The following RRBP1 variants were observed in gnomAD, a reference collection of about 807,000 sequenced individuals.
RRBP1 encodes ribosome-binding protein 1.
In RRBP1, 94 loss-of-function variants were observed where a neutral mutation model predicts 165.2. That is an observed-to-expected ratio of 0.57 (90% CI 0.48 to 0.68). The LOEUF (loss-of-function observed/expected upper bound fraction) is 0.68. RRBP1 is among the 30% of genes least tolerant of loss of function. The pLI, the probability that RRBP1 is intolerant of heterozygous loss-of-function variation, is 0.00. For synonymous variants in RRBP1, 680 were observed against 714.5 expected, an observed-to-expected ratio of 0.95 and a Z score of 0.77; for missense variants, 1,676 against 1,763.0, an observed-to-expected ratio of 0.95 and a Z score of 0.88.
intron 11 of RRBP1, 76 bp downstream of exon 11, chr20:17,627,272 A>G: frequency 6.6e-7 from 1 of 1,504,294 alleles, no homozygotes; most frequent in Non-Finnish European, 9.1e-7. Context: ...CCCTCCTGAA[A>G]ACCCTGGCCC....
chr20:17,627,479 C>T (rs528454215), intron 10 of RRBP1, 25 bp downstream of exon 10: 44 of 1,605,590 alleles, frequency 2.7e-5, no homozygotes, highest in Middle Eastern at 3.3e-4. Flanking sequence ...CCTTTCCTCC[C>T]CGTGGCCCCA....
rs370990027 is a variant in RRBP1, at chr20:17,613,885, C to T, written c.*297G>A. 105 of 386,326 alleles carry T rather than the reference C, an allele frequency of 2.7e-4. No individual in the cohort carries two copies. The highest frequency in any genetic ancestry group is 1.6e-3 in the African/African-American group (79 of 49,518). 23.9% of individuals were successfully genotyped at this position (386,326 alleles called of 1,614,324 possible). ...ACTGACAGACAGACCCCAGAGCGCC[C>T]GGCCTCCCACACACCCACGGGGCTG... On this transcript the variant is annotated 3_prime_UTR_variant, in exon 25 of 25. Transcript: ENST00000377813.
chr20:17,636,729 C>T lies in RRBP1; in HGVS notation c.2185G>A (p.Glu729Lys), dbSNP rs1329067641. ...GCTTTGGCCTTTTCTGCTGCCATCT[C>T]CTGGGGGGAAAGTAGCAGAGAGAGG... is the stretch of plus-strand genomic sequence containing the variant. ...AKSKLRELNK[E>K]MAAEKAKAAA... Residue 729 changes from glutamate (E) to lysine (K), a missense_variant and splice_region_variant, in exon 6 of 25, where the codon GAG becomes AAG. Around this residue, in one of 5 missense-constraint regions of RRBP1, gnomAD observed 1,184 missense variants for 1,167.1 expected, o/e 1.01. Transcript: ENST00000377813. The T allele has an allele frequency of 1.2e-6, 2 of 1,612,626 alleles. No homozygotes were observed. Among genetic ancestry groups the T allele is most frequent in the African/African-American group, 2.7e-5 (2 of 74,952 alleles).
In RRBP1 at chr20:17,620,824, G is replaced by A. The variant is rs764535071; in HGVS notation, c.3415-17C>T. ...CATGCCCTCCTGGGGGGAAACCGAGGTGAGGCAGGGCCCTCTCCCTCCCGA... is the reference window on the plus strand; with the variant it reads ...CATGCCCTCCTGGGGGGAAACCGAGATGAGGCAGGGCCCTCTCCCTCCCGA... On this transcript the variant is annotated splice_polypyrimidine_tract_variant and intron_variant, in intron 16 of 24. Transcript: ENST00000377813. 9.5e-6 allele frequency: 15 copies of A among 1,584,460 alleles called. No homozygotes were observed. The highest frequency in any genetic ancestry group is 1.3e-5 in the Non-Finnish European group (15 of 1,162,938).
chr20:17,627,269 G>T, intron 11 of RRBP1, 79 bp downstream of exon 11: 1 of 1,489,572 alleles, frequency 6.7e-7, no homozygotes. Flanking sequence ...GCACCCTCCT[G>T]AAAACCCTGG....
chr20:17,654,930 T>C (rs2036621942), intron 3 of RRBP1, among the ~76,000 whole-genome samples: 1 of 152,218 alleles, frequency 6.6e-6, no homozygotes, highest in Admixed American at 6.5e-5. Context: ...TAAGGAAGTA[T>C]CATTATTCCT....
chr20:17,626,948 C>A (rs1055365174), intron 11 of RRBP1, among the ~76,000 whole-genome samples: 1 of 152,186 alleles, frequency 6.6e-6, no homozygotes, highest in Non-Finnish European at 1.5e-5. Context: ...AGCCTGGGTT[C>A]GCCATTCTGG....
At chr20:17,672,980 A>T (rs1175004155) in intron 2 of RRBP1, among the ~76,000 whole-genome samples, 1 of 152,234 alleles carries the variant, frequency 6.6e-6, no homozygotes, top group Non-Finnish European at 1.5e-5. Context: ...CACGATGGGC[A>T]GCAGCTGGAA....
At chr20:17,669,703 A>G (rs370142051) in intron 2 of RRBP1, among the ~76,000 whole-genome samples, 1 of 152,302 alleles carries the variant, frequency 6.6e-6, no homozygotes, top group East Asian at 1.9e-4. Flanking sequence ...TTAGTTTTTC[A>G]TAGTTTTCAC....
At chr20:17,639,577 G>A (rs1388531786) in intron 5 of RRBP1, among the ~76,000 whole-genome samples, 12 of 152,160 alleles carry the variant, frequency 7.9e-5, no homozygotes, top group Admixed American at 7.9e-4. Flanking sequence ...GCAGTGCTGG[G>A]CAGTTGCAGT....
chr20:17,620,422 C>T lies in RRBP1; in HGVS notation c.3508-52G>A, dbSNP rs1290608032. The T allele has an allele frequency of 2.7e-6, 4 of 1,498,852 alleles. No individual in the cohort carries two copies. The South Asian group carries it at 4.5e-5, about 17-fold the overall frequency. The allele number at this position is 1,498,852 out of a possible 1,614,324, so 92.8% of individuals were successfully genotyped here. Reference sequence around the variant, plus strand: ...AGACACGAGCACCTGGGGGTGTCTCCTTCCGAGGCCATGCTAGGACCCGAG... The same window carrying T: ...AGACACGAGCACCTGGGGGTGTCTCTTTCCGAGGCCATGCTAGGACCCGAG... On this transcript the variant is annotated intron_variant, in intron 17 of 24. Transcript: ENST00000377813.
chr20:17,639,894 CAAAAAA>C (rs11476981), intron 5 of RRBP1, among the ~76,000 whole-genome samples: 2 of 98,794 alleles, frequency 2.0e-5, no homozygotes, highest in Non-Finnish European at 2.0e-5. Flanking sequence ...ACTCCAGTCT[CAAAAAA>C]AAAAAAAAAA....
chr20:17,660,336 C>T lies in RRBP1; in HGVS notation c.172G>A (p.Glu58Lys), dbSNP rs781543164. The T allele has an allele frequency of 3.1e-6, 5 of 1,613,422 alleles. No individual in the cohort carries two copies. The South Asian group carries it at 3.3e-5, about 11-fold the overall frequency. ...EMAKTHHQKV[E>K]KKKKEKTVEK... ...ACTGTTTTCTCCTTCTTTTTCTTCT[C>T]GACTTTCTGGTGGTGAGTTTTCGCC... The change falls in exon 3 of 25, where the codon GAG becomes AAG. Residue 58 changes from glutamate (E) to lysine (K), a missense_variant. Transcript: ENST00000377813.
intron 8 of RRBP1, among the ~76,000 whole-genome samples, chr20:17,630,515 C>G: frequency 6.6e-6 from 1 of 152,342 alleles, no homozygotes; most frequent in Non-Finnish European, 1.5e-5. Flanking sequence ...AAAAGTATCT[C>G]AGAGACATTT....
At chr20:17,637,856 T>TG (rs33978546) in intron 5 of RRBP1, among the ~76,000 whole-genome samples, 4 of 152,120 alleles carry the variant, frequency 2.6e-5, no homozygotes, top group African/African-American at 9.6e-5. Flanking sequence ...GCTACAGAAG[T>TG]GGGGGGCGGG....
intron 8 of RRBP1, 38 bp from the exon 9 acceptor site, chr20:17,629,999 G>C (rs1015852873): frequency 1.3e-6 from 2 of 1,576,046 alleles, no homozygotes; most frequent in Non-Finnish European, 1.7e-6. Context: ...TGAAGACGTG[G>C]AAGGACCAGG....
chr20:17,637,009 C>T (rs369997245), intron 5 of RRBP1, among the ~76,000 whole-genome samples: 18 of 152,344 alleles, frequency 1.2e-4, no homozygotes, highest in Middle Eastern at 3.4e-3. Flanking sequence ...CAGAGACACA[C>T]GGTGCTGTCC....
chr20:17,636,085 CGCAGCCCACTAT>C (rs2036242796), intron 6 of RRBP1, among the ~76,000 whole-genome samples: 1 of 152,264 alleles, frequency 6.6e-6, no homozygotes, highest in African/African-American at 2.4e-5. Context: ...GGGAGGAGGT[CGCAGCCCACTAT>C]GAGCAGGGTG....
At position 17,627,359 on chromosome 20, in the gene RRBP1, C is replaced by A. The variant is rs1412944963; in HGVS notation, c.2952G>T (p.Gln984His). Residue 984 changes from glutamine to histidine, a missense_variant, in exon 11 of 25, where the codon CAG (glutamine) becomes CAT (histidine). Coordinates refer to ENST00000377813, the MANE Select transcript of RRBP1 (RefSeq NM_001365613.2). ...CTTCCCCAGCTTACCGAGTCTGCTG[C>A]TGGTCAGCCTCCGCCTGGCTGGCCT... is the stretch of plus-strand genomic sequence containing the variant. ...DVQASQAEADQQQTRLKELES... is the reference protein window; with the variant it reads ...DVQASQAEADHQQTRLKELES... 2.5e-6 allele frequency: 4 copies of A among 1,613,726 alleles called. No individual in the cohort carries two copies. The highest frequency in any genetic ancestry group is 3.4e-6 in the Non-Finnish European group (4 of 1,179,956).
Sources: allele counts gnomAD v4.1 joint callset (sites outside exome capture counted in the v4.1 genomes callset), GRCh38; gene constraint gnomAD v4.1.1; regional missense constraint gnomAD v4.1.1; transcripts MANE v1.5; gene names NCBI Gene and HGNC (gene_info 2026-07-23, HGNC 2026-07-21).